Variants in PLEKHH1 observed in about 807,000 individuals in gnomAD.
The protein encoded by PLEKHH1 is pleckstrin homology domain-containing family H member 1.
In PLEKHH1, 104 loss-of-function variants were observed where a neutral mutation model predicts 160.0. That is an observed-to-expected ratio of 0.65 (90% CI 0.55 to 0.76). The LOEUF is 0.76. Ranked by LOEUF, PLEKHH1 falls within the 30% of genes least tolerant of loss-of-function variation. The pLI is 0.00. For missense variants in PLEKHH1, 1,427 were observed against 1,724.1 expected (o/e 0.83, Z 3.05); for synonymous variants, 619 against 678.4 (o/e 0.91, Z 1.36).
At chr14:67,571,650 T>G in intron 9 of PLEKHH1, 102 bp from the exon 10 acceptor site, 1 of 1,177,688 alleles carries the variant, frequency 8.5e-7, no homozygotes, top group Non-Finnish European at 1.3e-6. Context: ...CGGCTGGGGG[T>G]TGGCCACACC....
rs371340554 is a variant in PLEKHH1 at position 67,574,366 on chromosome 14, G to A, written c.2051G>A (p.Gly684Asp). 7.5e-5 allele frequency: 120 copies of A among 1,592,274 alleles called. No homozygotes were observed. The highest frequency in any genetic ancestry group is 9.7e-5 in the Non-Finnish European group (113 of 1,169,368). ...QATGPPALLRGGTKPTVKGWL... is the reference protein window; with the variant it reads ...QATGPPALLRDGTKPTVKGWL... The stretch of plus-strand genomic sequence containing the variant: ...ACCGGGCCTCCAGCTCTGCTTCGGG[G>A]TGGCACCAAGCCCACCGTGAAGGGC... Residue 684 changes from glycine to aspartate, a missense_variant, in exon 14 of 29, where the codon GGT (glycine) becomes GAT (aspartate). Physicochemically the swap from Gly to Asp is moderately conservative, Grantham distance 94. Transcript: ENST00000329153. This position sits in a 1 kb window ranked among gnomAD's most constrained non-coding sequence, Gnocchi z 4.2.
At chr14:67,563,917 T>C (rs2034964214) in intron 7 of PLEKHH1, among the ~76,000 whole-genome samples, 1 of 125,718 alleles carries the variant, frequency 8.0e-6, no homozygotes, top group Non-Finnish European at 1.7e-5. Flanking sequence ...TTTTTTTTTT[T>C]CTGAGACAGA....
chr14:67,547,592 G>A (rs762620991), intron 2 of PLEKHH1, among the ~76,000 whole-genome samples: 3 of 152,076 alleles, frequency 2.0e-5, no homozygotes, highest in African/African-American at 7.2e-5. Context: ...GCTGGCCCTG[G>A]GACATTACAT....
chr14:67,567,615 G>A (rs947511752), intron 7 of PLEKHH1, among the ~76,000 whole-genome samples: 5 of 152,016 alleles, frequency 3.3e-5, no homozygotes, highest in Admixed American at 3.3e-4. Flanking sequence ...TCTGTCTCCT[G>A]CCGCCCCTCC....
In PLEKHH1 at chr14:67,574,947, G is replaced by A. The variant is rs1458599513; in HGVS notation, c.2089-445G>A. On this transcript the variant is annotated intron_variant, in intron 14 of 28. Coordinates refer to ENST00000329153, the MANE Select transcript of PLEKHH1 (RefSeq NM_020715.3). The surrounding 1 kb of genome is among the most constrained non-coding windows in gnomAD (Gnocchi z 4.2). ...CAGCAAGCTCAGGGCTGGCAGGCTCGCTGTGTGGCTCTGCTTCTCGTTCAA... is the reference window on the plus strand; with the variant it reads ...CAGCAAGCTCAGGGCTGGCAGGCTCACTGTGTGGCTCTGCTTCTCGTTCAA... 5.9e-5 allele frequency among the ~76,000 whole-genome samples: 9 copies of A among 152,194 alleles called. No individual in the cohort carries two copies. The highest frequency in any genetic ancestry group is 2.1e-4 in the South Asian group (1 of 4,824).
In PLEKHH1 at chr14:67,578,182, A is replaced by T. The variant is rs1405235606; in HGVS notation, c.2734A>T (p.Lys912Ter). 6.2e-7 allele frequency: 1 copy of T among 1,613,812 alleles called. No homozygotes were observed. Among genetic ancestry groups the T allele is most frequent in the South Asian group, 1.1e-5 (1 of 91,062 alleles). Residue 912 changes from lysine to a stop codon, truncating the protein, a stop_gained, in exon 19 of 29, where the codon AAG (lysine) becomes TAG (stop). Transcript: ENST00000329153. LOFTEE classifies it high-confidence loss of function. The surrounding 1 kb of genome is among the most constrained non-coding windows in gnomAD (Gnocchi z 5.0). Reference sequence around the variant, plus strand: ...GCAGACCAGCTGCCGCCCACCTCAGAAGTACTCCCTCATGCAGGTAGGCAT... The same window carrying T: ...GCAGACCAGCTGCCGCCCACCTCAGTAGTACTCCCTCATGCAGGTAGGCAT... ...MKQTSCRPPQ[K>*]YSLMQCWQLL...
In PLEKHH1 at chr14:67,577,346, G is replaced by T. The variant is rs374185002; in HGVS notation, c.2506G>T (p.Gly836Cys). The T allele has an allele frequency of 5.0e-6, 8 of 1,585,850 alleles. No individual in the cohort carries two copies. Among genetic ancestry groups the T allele is most frequent in the Non-Finnish European group, 6.9e-6 (8 of 1,166,584 alleles). The change falls in exon 18 of 29, where the codon GGC becomes TGC. Residue 836 changes from glycine to cysteine, a missense_variant. Physicochemically the swap from Gly to Cys is radical, Grantham distance 159. Transcript: ENST00000329153. ...RHPMLCYSKD[G>C]LYASLTTLPS... ...CCCCATGCTGTGCTACAGCAAAGAC[G>T]GCCTATACGCCTCCCTCACCACCCT... is the stretch of plus-strand genomic sequence containing the variant.
chr14:67,566,374 G>A lies in PLEKHH1; in HGVS notation c.1264-2764G>A, dbSNP rs151211651. Among the ~76,000 whole-genome samples, 110 of 152,304 alleles carry A rather than the reference G, an allele frequency of 7.2e-4. 1 individual carries two copies. Among genetic ancestry groups the A allele is most frequent in the African/African-American group, 2.5e-3 (103 of 41,572 alleles). ...AGCAGGAAGTAGTCAGGCAAGGAATGTGCAGCTGCTACCAGAGAGAAGCGT... is the reference window on the plus strand; with the variant it reads ...AGCAGGAAGTAGTCAGGCAAGGAATATGCAGCTGCTACCAGAGAGAAGCGT... On this transcript the variant is annotated intron_variant, in intron 7 of 28. Coordinates refer to ENST00000329153, the MANE Select transcript of PLEKHH1 (RefSeq NM_020715.3).
intron 22 of PLEKHH1, 128 bp downstream of exon 22, chr14:67,580,004 C>A: frequency 1.2e-6 from 1 of 843,782 alleles, no homozygotes; most frequent in African/African-American, 1.7e-5. Flanking sequence ...AGGTGCTGCC[C>A]TAGTCAGCAT....
At chr14:67,577,254 C>T (rs1340141514) in intron 17 of PLEKHH1, 48 bp from the exon 18 acceptor site, 5 of 1,203,304 alleles carry the variant, frequency 4.2e-6, no homozygotes, top group Non-Finnish European at 6.0e-6. Flanking sequence ...AGATGAGTCC[C>T]CTCTCAGTAG....
At chr14:67,568,733 A>T (rs1362457323) in intron 7 of PLEKHH1, among the ~76,000 whole-genome samples, 3 of 152,066 alleles carry the variant, frequency 2.0e-5, no homozygotes, top group Non-Finnish European at 4.4e-5. Context: ...CAATATCCCC[A>T]ACTTCTGGGG....
At chr14:67,570,429 C>A in intron 9 of PLEKHH1, 1 of 300,930 alleles carries the variant, frequency 3.3e-6, no homozygotes, top group Non-Finnish European at 4.9e-6. Context: ...ATTTTTGTCT[C>A]TGTTACTGGT....
chr14:67,558,376 C>A (rs2034682086), intron 4 of PLEKHH1, among the ~76,000 whole-genome samples: 1 of 152,270 alleles, frequency 6.6e-6, no homozygotes, highest in South Asian at 2.1e-4. Flanking sequence ...CAGCATTAAC[C>A]CAATAGGCCC....
intron 7 of PLEKHH1, among the ~76,000 whole-genome samples, chr14:67,567,325 CT>C (rs1344571824): frequency 6.6e-6 from 1 of 152,094 alleles, no homozygotes; most frequent in Non-Finnish European, 1.5e-5. Context: ...TTGGAAAGCC[CT>C]TTTTTCAGTT....
rs1324338920 is a variant in PLEKHH1, at chr14:67,588,817, G to A, written c.*1582G>A. The A allele has an allele frequency of 2.0e-5, 3 of 152,582 alleles. No homozygotes were observed. Among genetic ancestry groups the A allele is most frequent in the Non-Finnish European group, 4.4e-5 (3 of 68,022 alleles). 9.5% of individuals were successfully genotyped at this position (152,582 alleles called of 1,614,324 possible). A position where few individuals can be genotyped will look rare whatever the true frequency, so the allele number is the denominator to read the frequency against. On this transcript the variant is annotated 3_prime_UTR_variant, in exon 29 of 29. Coordinates refer to ENST00000329153, the MANE Select transcript of PLEKHH1 (RefSeq NM_020715.3). ...AGCAAAAACTGCGAGGCCAGAACTA[G>A]TTTATCTGAACACCTCAGCTGCTGT...
Position 67,575,992 on chromosome 14 carries a change from C to T in PLEKHH1, c.2339C>T (p.Thr780Ile). ...AGCCCCACCTACCTCCTCATTGGCACCAAGCATGAAAAGGTAAGGAAGAGG... is the reference window on the plus strand; with the variant it reads ...AGCCCCACCTACCTCCTCATTGGCATCAAGCATGAAAAGGTAAGGAAGAGG... ...EHSPTYLLIGTKHEKDTWLYH... is the reference protein window; with the variant it reads ...EHSPTYLLIGIKHEKDTWLYH... Residue 780 changes from threonine to isoleucine, a missense_variant, in exon 16 of 29, where the codon ACC becomes ATC. Thr to Ile is a moderately conservative substitution (Grantham distance 89). Coordinates refer to ENST00000329153, the MANE Select transcript of PLEKHH1 (RefSeq NM_020715.3). 6.2e-7 allele frequency: 1 copy of T among 1,611,640 alleles called. No homozygotes were observed. The highest frequency in any genetic ancestry group is 8.5e-7 in the Non-Finnish European group (1 of 1,178,162).
Position 67,583,979 on chromosome 14 carries a change from C to G in PLEKHH1, c.3570-16C>G. On this transcript the variant is annotated splice_polypyrimidine_tract_variant and intron_variant, in intron 25 of 28. Transcript: ENST00000329153. The stretch of plus-strand genomic sequence containing the variant: ...GCACTTCATTGGCACTATTTCTCTC[C>G]ATCTGCCCACACCAGGCACCTGGCA... 1 of 1,613,944 alleles carries G rather than the reference C, an allele frequency of 6.2e-7. No individual in the cohort carries two copies. Among genetic ancestry groups the G allele is most frequent in the South Asian group, 1.1e-5 (1 of 91,080 alleles).
intron 14 of PLEKHH1, among the ~76,000 whole-genome samples, 162 bp from the exon 15 acceptor site, chr14:67,575,230 C>A (rs1711677520): frequency 6.6e-6 from 1 of 152,142 alleles, no homozygotes. Context: ...TGTCATGGCA[C>A]CCTCACTGTG....
At chr14:67,548,530 T>C (rs1367274640) in intron 2 of PLEKHH1, among the ~76,000 whole-genome samples, 1 of 152,128 alleles carries the variant, frequency 6.6e-6, no homozygotes, top group Non-Finnish European at 1.5e-5. Context: ...AAACCCCGTC[T>C]CTACTAAAAA....
Sources: allele counts gnomAD v4.1 joint callset (sites outside exome capture counted in the v4.1 genomes callset), GRCh38; gene constraint gnomAD v4.1.1; non-coding constraint Gnocchi (gnomAD v3.1); transcripts MANE v1.5; gene names NCBI Gene and HGNC (gene_info 2026-07-23, HGNC 2026-07-21).